Variants in CELF4 observed in about 807,000 individuals in gnomAD.
CELF4 encodes the protein CUG-BP- and ETR-3-like factor 4.
Under a neutral mutation model 59.9 loss-of-function variants are expected in CELF4, and 18 were observed. The observed-to-expected ratio is 0.30, with a 90% CI of 0.21 to 0.45. The LOEUF (loss-of-function observed/expected upper bound fraction) is 0.45, where lower values mean the gene tolerates loss of function less well. Among genes scored for constraint, CELF4 ranks in the 20% least tolerant of loss-of-function variants. CELF4 has a pLI of 1.00. For synonymous variants in CELF4, 261 were observed against 267.1 expected, an observed-to-expected ratio of 0.98 and a Z score of 0.22; for missense variants, 456 against 689.0, an observed-to-expected ratio of 0.66 and a Z score of 3.79.
chr18:37,524,332 C>T (rs962956814), intron 1 of CELF4, among the ~76,000 whole-genome samples: 1 of 152,166 alleles, frequency 6.6e-6, no homozygotes, highest in African/African-American at 2.4e-5. Context: ...AGGAAAATGG[C>T]CGATTTCAGA....
chr18:37,346,820 A>C (rs2098276754), intron 2 of CELF4, among the ~76,000 whole-genome samples: 1 of 152,112 alleles, frequency 6.6e-6, no homozygotes, highest in Non-Finnish European at 1.5e-5. Context: ...TGGGGGCAGC[A>C]TGTCTCATGC....
At chr18:37,462,420 G>A (rs114138791) in intron 2 of CELF4, among the ~76,000 whole-genome samples, 7,202 of 152,242 alleles carry the variant, frequency 0.047, 274 homozygotes, top group East Asian at 0.15. Context: ...CTGTCTGGCT[G>A]TCTGTCCACA....
At chr18:37,560,938 CAT>C (rs1284071722) in intron 1 of CELF4, among the ~76,000 whole-genome samples, 1 of 152,242 alleles carries the variant, frequency 6.6e-6, no homozygotes, top group East Asian at 1.9e-4. Context: ...ATCAGCAAAA[CAT>C]ATTCATATCC....
At position 37,342,890 on chromosome 18, in the gene CELF4, C is replaced by G. The variant is rs563829506; in HGVS notation, c.370-21009G>C. Among the ~76,000 whole-genome samples the G allele has an allele frequency of 2.0e-4, 31 of 152,322 alleles. No individual in the cohort carries two copies. In the South Asian group the frequency reaches 6.2e-3, roughly 31 times the overall value. ...AAGGATTCTGTGGGTGGTGTCCCCCCCAACCCCTATGTCATGTCCCTGGCG... is the reference window on the plus strand; with the variant it reads ...AAGGATTCTGTGGGTGGTGTCCCCCGCAACCCCTATGTCATGTCCCTGGCG... On this transcript the variant is annotated intron_variant, in intron 2 of 12. Coordinates refer to ENST00000420428, the MANE Select transcript of CELF4 (RefSeq NM_020180.4).
intron 3 of CELF4, among the ~76,000 whole-genome samples, chr18:37,298,212 C>T (rs1342727339): frequency 1.3e-5 from 2 of 152,102 alleles, no homozygotes; most frequent in Non-Finnish European, 2.9e-5. Context: ...ATAAAATGGC[C>T]CAAGGATCTG....
chr18:37,501,211 G>T (rs890247443), intron 1 of CELF4, among the ~76,000 whole-genome samples: 1 of 152,230 alleles, frequency 6.6e-6, no homozygotes, highest in Non-Finnish European at 1.5e-5. Flanking sequence ...TAGCTCAGAC[G>T]CCAGGATAGG....
intron 2 of CELF4, among the ~76,000 whole-genome samples, chr18:37,429,895 A>G (rs2099637512): frequency 6.6e-6 from 1 of 152,152 alleles, no homozygotes; most frequent in South Asian, 2.1e-4. Context: ...TGTGTCAGGC[A>G]CACACCTGCA....
intron 2 of CELF4, among the ~76,000 whole-genome samples, chr18:37,408,219 G>T (rs907845503): frequency 6.6e-6 from 1 of 152,066 alleles, no homozygotes; most frequent in Non-Finnish European, 1.5e-5. Context: ...TGGCTCCTTT[G>T]TTCTTATTAG....
intron 1 of CELF4, among the ~76,000 whole-genome samples, chr18:37,542,722 T>G (rs1289022479): frequency 6.6e-6 from 1 of 152,218 alleles, no homozygotes; most frequent in Admixed American, 6.5e-5. Flanking sequence ...ATTATTATGA[T>G]TATGATTATT....
intron 3 of CELF4, among the ~76,000 whole-genome samples, chr18:37,294,191 G>T (rs2095509362): frequency 1.3e-5 from 2 of 152,208 alleles, no homozygotes; most frequent in Admixed American, 6.5e-5. Flanking sequence ...TTGCTGGGGA[G>T]ATGTCTTTGG....
chr18:37,297,895 T>C (rs1345953715), intron 3 of CELF4, among the ~76,000 whole-genome samples: 4 of 148,122 alleles, frequency 2.7e-5, no homozygotes, highest in African/African-American at 7.8e-5. Context: ...CTGTGCCCTC[T>C]GGCCGTCAAG....
Position 37,322,640 on chromosome 18 carries a change from C to T in CELF4, c.370-759G>A, listed in dbSNP as rs191152784. On this transcript the variant is annotated intron_variant, in intron 2 of 12. Coordinates refer to ENST00000420428, the MANE Select transcript of CELF4 (RefSeq NM_020180.4). ...AGGGGTCTCTGGACTCCAAGCATCC[C>T]GGGCTTGGCTGCCTGGCTTCAGGGC... is the stretch of plus-strand genomic sequence containing the variant. Among the ~76,000 whole-genome samples the T allele has an allele frequency of 3.3e-4, 51 of 152,326 alleles. 1 individual carries two copies. Among genetic ancestry groups the T allele is most frequent in the Admixed American group, 2.2e-3 (33 of 15,310 alleles).
chr18:37,305,837 T>C (rs1324529641), intron 3 of CELF4: 3 of 152,286 alleles, frequency 2.0e-5, no homozygotes, highest in African/African-American at 7.2e-5. Flanking sequence ...TTGAACCTGA[T>C]GGCCCTCACT....
At chr18:37,418,551 C>A (rs1450585724) in intron 2 of CELF4, among the ~76,000 whole-genome samples, 1 of 152,198 alleles carries the variant, frequency 6.6e-6, no homozygotes, top group Non-Finnish European at 1.5e-5. Context: ...CTAGCCCAAC[C>A]CTGGAAAAAG....
intron 1 of CELF4, among the ~76,000 whole-genome samples, chr18:37,490,653 G>T (rs1336933880): frequency 6.6e-6 from 1 of 152,196 alleles, no homozygotes; most frequent in Non-Finnish European, 1.5e-5. Context: ...AAATGTAAAT[G>T]ATTCTGGTTC....
At position 37,445,293 on chromosome 18, in the gene CELF4, C is replaced by T. The variant is rs532438588; in HGVS notation, c.369+40232G>A. 3.3e-5 allele frequency among the ~76,000 whole-genome samples: 5 copies of T among 152,062 alleles called. No individual in the cohort carries two copies. In the South Asian group the frequency reaches 6.3e-4, roughly 19 times the overall value. On this transcript the variant is annotated intron_variant, in intron 2 of 12. Coordinates refer to ENST00000420428, the MANE Select transcript of CELF4 (RefSeq NM_020180.4). ...GCTGGACATCCTGCCCCAGAGAGCG[C>T]GGCCAGGGTCTTGTTTCTCTATTCT...
chr18:37,444,652 A>ACACACACACACACACACACACACG (rs71168259), intron 2 of CELF4, among the ~76,000 whole-genome samples: 3 of 144,082 alleles, frequency 2.1e-5, no homozygotes, highest in African/African-American at 7.8e-5. Context: ...ACACACACAC[A>ACACACACACACACACACACACACG]CGCGAACGAT....
At chr18:37,527,466 T>C (rs1409124024) in intron 1 of CELF4, among the ~76,000 whole-genome samples, 2 of 152,164 alleles carry the variant, frequency 1.3e-5, no homozygotes, top group African/African-American at 4.8e-5. Flanking sequence ...GGTTTACGTG[T>C]AGTAAACTCC....
At chr18:37,299,502 A>G (rs1046986455) in intron 3 of CELF4, among the ~76,000 whole-genome samples, 4 of 152,014 alleles carry the variant, frequency 2.6e-5, no homozygotes, top group Admixed American at 1.3e-4. Flanking sequence ...CCTCCCACTC[A>G]GAATGTCGGG....
Sources: gnomAD v4.1 joint callset for allele counts (sites outside exome capture counted in the v4.1 genomes callset) on GRCh38, gnomAD v4.1.1 for gene constraint, MANE v1.5 for transcripts, NCBI Gene and HGNC (gene_info 2026-07-23, HGNC 2026-07-21) for gene names.